The following RGSL1 variants were observed in gnomAD, a reference collection of about 807,000 sequenced individuals.
RGSL1 encodes the protein regulator of G protein signaling like 1.
A neutral mutation model predicts 124.7 loss-of-function variants in RGSL1; 97 were observed. The observed-to-expected ratio is 0.78, with a 90% CI of 0.66 to 0.92. RGSL1 has a LOEUF of 0.92. RGSL1 is among the 40% of genes least tolerant of loss of function. RGSL1 has a pLI of 0.00. For missense variants in RGSL1, 1,233 were observed against 1,288.4 expected (o/e 0.96, Z 0.66); for synonymous variants, 424 against 438.1 (o/e 0.97, Z 0.40).
intron 9 of RGSL1, among the ~76,000 whole-genome samples, chr1:182,496,188 GA>G (rs1178780218): frequency 1.3e-5 from 2 of 152,080 alleles, no homozygotes; most frequent in Non-Finnish European, 2.9e-5. Context: ...AAGAAACGGG[GA>G]GGTGCTACAC....
At chr1:182,547,383 T>TA (rs56162941) in intron 15 of RGSL1, among the ~76,000 whole-genome samples, 130,610 of 152,062 alleles carry the variant, frequency 0.86, 56,508 homozygotes, top group Non-Finnish European at 0.88. Flanking sequence ...ATAAAGGATG[T>TA]GGGGGAGGTA....
intron 1 of RGSL1, chr1:182,450,434 G>A (rs752459526): frequency 2.6e-4 from 142 of 555,718 alleles, no homozygotes; most frequent in Non-Finnish European, 4.0e-4. Context: ...ATGTGGATTG[G>A]GCCACCTCTC....
intron 9 of RGSL1, among the ~76,000 whole-genome samples, chr1:182,504,059 C>A (rs1410815505): frequency 6.8e-6 from 1 of 146,662 alleles, no homozygotes; most frequent in Admixed American, 7.0e-5. Flanking sequence ...TGGCTCACTG[C>A]AACCTCTGCC....
intron 14 of RGSL1, 31 bp from the exon 15 acceptor site, chr1:182,540,216 A>C: frequency 6.6e-7 from 1 of 1,518,018 alleles, no homozygotes; most frequent in Non-Finnish European, 8.8e-7. Context: ...TGATCAAACA[A>C]AATTGTAATT....
At chr1:182,501,469 C>G (rs1434636234) in intron 9 of RGSL1, among the ~76,000 whole-genome samples, 2 of 151,690 alleles carry the variant, frequency 1.3e-5, no homozygotes, top group Non-Finnish European at 2.9e-5. Flanking sequence ...CAGGTGTGTA[C>G]CATTACGCCT....
chr1:182,550,783 G>A (rs759714242), intron 17 of RGSL1: 53 of 267,232 alleles, frequency 2.0e-4, no homozygotes, highest in Non-Finnish European at 2.7e-4. Context: ...TGATGCTGGG[G>A]TGCACCCCAG....
At chr1:182,488,490 T>C (rs888202129) in intron 7 of RGSL1, 143 bp downstream of exon 7, 3 of 806,168 alleles carry the variant, frequency 3.7e-6, no homozygotes, top group African/African-American at 1.7e-5. Context: ...TGGTCCCTGT[T>C]GTTCTAAAGC....
At chr1:182,509,158 A>G (rs1657094559) in intron 9 of RGSL1, among the ~76,000 whole-genome samples, 1 of 72,278 alleles carries the variant, frequency 1.4e-5, no homozygotes, top group African/African-American at 5.2e-5. Context: ...CTATTCCACA[A>G]AGCCGCCATT....
At chr1:182,504,816 G>C (rs1224418487) in intron 9 of RGSL1, among the ~76,000 whole-genome samples, 1 of 152,066 alleles carries the variant, frequency 6.6e-6, no homozygotes, top group Non-Finnish European at 1.5e-5. Flanking sequence ...TTTGTAGATT[G>C]GCTCTGTGTT....
At chr1:182,555,040 T>G in intron 20 of RGSL1, 1 of 250,364 alleles carries the variant, frequency 4.0e-6, no homozygotes, top group African/African-American at 2.2e-5. Flanking sequence ...TACATGGATA[T>G]ATTGGGAGGT....
intron 15 of RGSL1, among the ~76,000 whole-genome samples, chr1:182,540,812 TTTAAG>T (rs1659845586): frequency 6.6e-6 from 1 of 152,212 alleles, no homozygotes; most frequent in African/African-American, 2.4e-5. Flanking sequence ...AACAGATATT[TTTAAG>T]TTAAGACATA....
chr1:182,552,584 G>A (rs1660633483), intron 18 of RGSL1, among the ~76,000 whole-genome samples: 1 of 152,152 alleles, frequency 6.6e-6, no homozygotes, highest in East Asian at 1.9e-4. Context: ...TGAGCATGGT[G>A]CTCCCCTCTC....
chr1:182,450,301 T>A (rs533018081), intron 1 of RGSL1, 123 bp downstream of exon 1: 12 of 1,078,002 alleles, frequency 1.1e-5, no homozygotes, highest in Middle Eastern at 2.0e-4. Flanking sequence ...TTTGTGTTAT[T>A]CATGCCTTTG....
intron 10 of RGSL1, among the ~76,000 whole-genome samples, chr1:182,522,839 G>A (rs1389055596): frequency 2.0e-5 from 3 of 151,786 alleles, no homozygotes; most frequent in Non-Finnish European, 2.9e-5. Flanking sequence ...TAATTTTCTT[G>A]TAGGCCATGG....
At chr1:182,551,243 C>T in intron 18 of RGSL1, 34 bp downstream of exon 18, 1 of 1,498,254 alleles carries the variant, frequency 6.7e-7, no homozygotes, top group South Asian at 1.2e-5. Flanking sequence ...CCCCATTCTC[C>T]AGCAACCAAG....
intron 11 of RGSL1, among the ~76,000 whole-genome samples, 192 bp downstream of exon 11, chr1:182,527,964 A>G (rs1658877830): frequency 1.3e-5 from 2 of 152,202 alleles, no homozygotes; most frequent in African/African-American, 4.8e-5. Context: ...AAGTCTTAAT[A>G]CGAGTTGTAT....
intron 17 of RGSL1, chr1:182,550,310 G>A (rs1021617264): frequency 1.7e-4 from 26 of 152,150 alleles, no homozygotes; most frequent in African/African-American, 6.3e-4. Flanking sequence ...GGCATACTGG[G>A]AGGTCCACTG....
In RGSL1 at chr1:182,548,413, C is replaced by G. The variant is rs1254719828; in HGVS notation, c.2766C>G (p.Ile922Met). 6.4e-7 allele frequency: 1 copy of G among 1,551,570 alleles called. No individual in the cohort carries two copies. Among genetic ancestry groups the G allele is most frequent in the African/African-American group, 1.4e-5 (1 of 72,980 alleles). The change falls in exon 16 of 22, where the codon ATC becomes ATG. Residue 922 changes from isoleucine (I) to methionine (M), a missense_variant. Transcript: ENST00000294854. The stretch of plus-strand genomic sequence containing the variant: ...TAATGCGGTCCAAAATGAACATTAT[C>G]CAAAAACTCTTCCTGAATTCTGACA... ...VILMRSKMNI[I>M]QKLFLNSDIP...
chr1:182,484,167 C>G (rs1654917044), intron 6 of RGSL1, among the ~76,000 whole-genome samples: 1 of 152,074 alleles, frequency 6.6e-6, no homozygotes, highest in Non-Finnish European at 1.5e-5. Context: ...TACAGGGAAG[C>G]AGGGTACTAT....
Sources: allele counts gnomAD v4.1 joint callset (sites outside exome capture counted in the v4.1 genomes callset), GRCh38; gene constraint gnomAD v4.1.1; transcripts MANE v1.5; gene names NCBI Gene and HGNC (gene_info 2026-07-23, HGNC 2026-07-21).